MRC2: variants seen among roughly 807,000 people sequenced by gnomAD.
MRC2 encodes the protein C-type mannose receptor 2.
Under a neutral mutation model 206.2 loss-of-function variants are expected in MRC2, and 84 were observed. That is an observed-to-expected ratio of 0.41 (90% CI 0.34 to 0.49). The LOEUF (loss-of-function observed/expected upper bound fraction) is 0.49, where lower values mean the gene tolerates loss of function less well. Among genes scored for constraint, MRC2 ranks in the 20% least tolerant of loss-of-function variants. The pLI is 0.31. For missense variants in MRC2, 1,676 were observed against 2,001.5 expected (o/e 0.84, Z 3.10); for synonymous variants, 798 against 800.0 (o/e 1.00, Z 0.04).
intron 6 of MRC2, among the ~76,000 whole-genome samples, chr17:62,668,510 G>A (rs2429390): frequency 0.48 from 73,707 of 151,998 alleles, 19,804 homozygotes; most frequent in Middle Eastern, 0.61. Context: ...CAGCATCCCC[G>A]GAGGGCTTGT....
intron 1 of MRC2, among the ~76,000 whole-genome samples, chr17:62,634,031 G>A (rs1259595844): frequency 6.6e-6 from 1 of 152,122 alleles, no homozygotes; most frequent in African/African-American, 2.4e-5. Flanking sequence ...CTACTCCATA[G>A]GCAGAGGAGT....
intron 1 of MRC2, among the ~76,000 whole-genome samples, chr17:62,653,607 G>C (rs1010370832): frequency 1.6e-4 from 24 of 152,184 alleles, no homozygotes; most frequent in African/African-American, 5.8e-4. Flanking sequence ...GGGGAAGCCC[G>C]CCACTGCTCT....
At chr17:62,684,590 C>T (rs2089009706) in intron 20 of MRC2, among the ~76,000 whole-genome samples, 2 of 151,890 alleles carry the variant, frequency 1.3e-5, no homozygotes, top group South Asian at 4.2e-4. Context: ...ATTAGTCCTT[C>T]ATTGTTTTTA....
rs2088942343 is a variant in MRC2 at position 62,680,039 on chromosome 17, C to T, written c.2299-131C>T. ...CGGAGCCGGCTTCAGGAAAGCAGGTCCGAGAGGGGTCACCCGGCCCCCGGT... is the reference window on the plus strand; with the variant it reads ...CGGAGCCGGCTTCAGGAAAGCAGGTTCGAGAGGGGTCACCCGGCCCCCGGT... On this transcript the variant is annotated intron_variant, in intron 14 of 29. Transcript: ENST00000303375. The surrounding 1 kb of genome is among the most constrained non-coding windows in gnomAD (Gnocchi z 4.8). 6.6e-7 allele frequency: 1 copy of T among 1,518,944 alleles called. No homozygotes were observed. Among genetic ancestry groups the T allele is most frequent in the Non-Finnish European group, 9.0e-7 (1 of 1,117,262 alleles). 94.1% of individuals were successfully genotyped at this position (1,518,944 alleles called of 1,614,324 possible). A position where few individuals can be genotyped will look rare whatever the true frequency, so the allele number is the denominator to read the frequency against.
At chr17:62,670,439 G>A (rs928988629) in intron 6 of MRC2, among the ~76,000 whole-genome samples, 1 of 152,250 alleles carries the variant, frequency 6.6e-6, no homozygotes, top group African/African-American at 2.4e-5. Flanking sequence ...CGGGTCTCCA[G>A]GAGCAGGTGT....
intron 1 of MRC2, among the ~76,000 whole-genome samples, chr17:62,659,726 T>C (rs1247310804): frequency 6.6e-6 from 1 of 152,056 alleles, no homozygotes; most frequent in Admixed American, 6.6e-5. Context: ...CCAAGTGCTG[T>C]TAGAGGACAG....
At chr17:62,647,847 G>A (rs559823396) in intron 1 of MRC2, among the ~76,000 whole-genome samples, 6 of 152,320 alleles carry the variant, frequency 3.9e-5, no homozygotes, top group African/African-American at 1.4e-4. Flanking sequence ...GGAGCCGTGA[G>A]GTGAGATCTT....
Position 62,645,490 on chromosome 17 carries a change from G to A in MRC2, c.118+17570G>A, listed in dbSNP as rs868734342. 1.4e-3 allele frequency among the ~76,000 whole-genome samples: 142 copies of A among 104,034 alleles called. 1 individual carries two copies. The highest frequency in any genetic ancestry group is 6.0e-3 in the African/African-American group (130 of 21,840). 68.3% of individuals were successfully genotyped at this position (104,034 alleles called of 152,430 possible). On this transcript the variant is annotated intron_variant, in intron 1 of 29. Coordinates refer to ENST00000303375, the MANE Select transcript of MRC2 (RefSeq NM_006039.5). ...ATATATACACATAATATGTGTGTGTGTATATATTATATATATATATATATA... is the reference window on the plus strand; with the variant it reads ...ATATATACACATAATATGTGTGTGTATATATATTATATATATATATATATA...
At chr17:62,662,964 A>T in intron 1 of MRC2, among the ~76,000 whole-genome samples, 1 of 152,228 alleles carries the variant, frequency 6.6e-6, no homozygotes, top group Non-Finnish European at 1.5e-5. Flanking sequence ...AGTCGGATTC[A>T]TCATTTCAAC....
At chr17:62,648,809 A>G in intron 1 of MRC2, among the ~76,000 whole-genome samples, 1 of 152,166 alleles carries the variant, frequency 6.6e-6, no homozygotes. Context: ...ATTTCCTCTT[A>G]TCGTTTCTTC....
At chr17:62,682,479 A>G (rs2088980926) in intron 20 of MRC2, 102 bp downstream of exon 20, 15 of 1,376,444 alleles carry the variant, frequency 1.1e-5, no homozygotes, top group Non-Finnish European at 1.5e-5. Context: ...CACCAAACTC[A>G]TGGCCTCTTG....
Position 62,671,381 on chromosome 17 carries a change from A to G in MRC2, c.1118-268A>G, listed in dbSNP as rs1021784181. 6.6e-6 allele frequency among the ~76,000 whole-genome samples: 1 copy of G among 152,078 alleles called. No individual in the cohort carries two copies. The highest frequency in any genetic ancestry group is 2.4e-5 in the African/African-American group (1 of 41,406). On this transcript the variant is annotated intron_variant, in intron 6 of 29. Coordinates refer to ENST00000303375, the MANE Select transcript of MRC2 (RefSeq NM_006039.5). The surrounding 1 kb of genome is among the most constrained non-coding windows in gnomAD (Gnocchi z 4.5). ...CCACCATGCCTGGCCCACCCATCGT[A>G]TTCTGAGAGCCACAGCCAGAGGAAG...
At chr17:62,679,967 G>T in intron 14 of MRC2, 65 bp downstream of exon 14, 1 of 1,504,454 alleles carries the variant, frequency 6.6e-7, no homozygotes, top group Non-Finnish European at 9.0e-7. Context: ...CCTGTTTGGG[G>T]CGGGGCCTGG....
chr17:62,642,346 G>A (rs1232847649), intron 1 of MRC2, among the ~76,000 whole-genome samples: 1 of 152,180 alleles, frequency 6.6e-6, no homozygotes, highest in Non-Finnish European at 1.5e-5. Flanking sequence ...CATGGGTGAT[G>A]TTGTGTCCTT....
chr17:62,634,425 C>T (rs934453621), intron 1 of MRC2, among the ~76,000 whole-genome samples: 6 of 152,076 alleles, frequency 3.9e-5, no homozygotes, highest in African/African-American at 1.4e-4. Context: ...CTCAGCCTCC[C>T]AAGTAGCTGG....
chr17:62,682,049 A>G, intron 19 of MRC2, 112 bp downstream of exon 19: 1 of 1,160,806 alleles, frequency 8.6e-7, no homozygotes, highest in Non-Finnish European at 1.2e-6. Context: ...CCCACAACCC[A>G]ATAAAGGCTA....
At chr17:62,681,221 C>T in intron 18 of MRC2, 92 bp downstream of exon 18, 1 of 1,435,856 alleles carries the variant, frequency 7.0e-7, no homozygotes, top group East Asian at 2.5e-5. Context: ...CCAGCCCTGC[C>T]CCTTCCTTGC....
At chr17:62,647,074 C>T (rs1284965253) in intron 1 of MRC2, among the ~76,000 whole-genome samples, 3 of 152,046 alleles carry the variant, frequency 2.0e-5, no homozygotes, top group East Asian at 1.9e-4. Context: ...GCTCCCCAGG[C>T]GATTTGGACA....
At chr17:62,688,717 G>T in intron 22 of MRC2, 53 bp downstream of exon 22, 1 of 1,599,766 alleles carries the variant, frequency 6.3e-7, no homozygotes, top group Admixed American at 1.7e-5. Flanking sequence ...AAGCCTGTGG[G>T]GCTGCCTTTG....
Sources: gnomAD v4.1 joint callset for allele counts (sites outside exome capture counted in the v4.1 genomes callset) on GRCh38, gnomAD v4.1.1 for gene constraint, Gnocchi (gnomAD v3.1) non-coding constraint, MANE v1.5 for transcripts, NCBI Gene and HGNC (gene_info 2026-07-23, HGNC 2026-07-21) for gene names.